Variants in CERT1 observed in about 807,000 individuals in gnomAD.
CERT1 encodes ceramide transporter 1, also known as ceramide transfer protein.
In CERT1, 31 loss-of-function variants were observed where a neutral mutation model predicts 87.9. The observed-to-expected ratio is 0.35, with a 90% CI of 0.27 to 0.48. CERT1 has a LOEUF of 0.48. Ranked by LOEUF, CERT1 falls within the 20% of genes least tolerant of loss-of-function variation. The pLI, the probability that CERT1 is intolerant of heterozygous loss-of-function variation, is 0.99. For missense variants in CERT1, 487 were observed against 758.0 expected, an observed-to-expected ratio of 0.64 and a Z score of 4.20; for synonymous variants, 289 against 250.9, an observed-to-expected ratio of 1.15 and a Z score of -1.44.
intron 3 of CERT1, among the ~76,000 whole-genome samples, chr5:75,428,244 A>C (rs1763704993): frequency 6.6e-6 from 1 of 152,168 alleles, no homozygotes; most frequent in Non-Finnish European, 1.5e-5. Flanking sequence ...AGTTAGTATC[A>C]CTTCATTTAC....
At chr5:75,484,865 A>C (rs529597212) in intron 2 of CERT1, among the ~76,000 whole-genome samples, 1 of 152,302 alleles carries the variant, frequency 6.6e-6, no homozygotes, top group South Asian at 2.1e-4. Flanking sequence ...CTATAGACCA[A>C]ATGGACCTAA....
chr5:75,455,358 A>G (rs1225186094), intron 3 of CERT1, among the ~76,000 whole-genome samples: 1 of 152,240 alleles, frequency 6.6e-6, no homozygotes, highest in Non-Finnish European at 1.5e-5. Flanking sequence ...ATGCTTTCCA[A>G]GAGTTTGTAG....
intron 8 of CERT1, among the ~76,000 whole-genome samples, chr5:75,404,934 G>A (rs1762644860): frequency 6.6e-6 from 1 of 152,032 alleles, no homozygotes; most frequent in South Asian, 2.1e-4. Context: ...TTGAACCTGG[G>A]AGGCGGAAGT....
chr5:75,428,610 G>A (rs1447458396), intron 3 of CERT1, among the ~76,000 whole-genome samples: 5 of 151,796 alleles, frequency 3.3e-5, no homozygotes, highest in African/African-American at 7.3e-5. Context: ...CCTGGGAGGC[G>A]GAGCTTGCAG....
downstream of CERT1, chr5:75,375,487 A>T (rs1761258623): frequency 6.6e-6 from 1 of 151,624 alleles, no homozygotes; most frequent in African/African-American, 2.4e-5. Flanking sequence ...CCAGGGAGGT[A>T]GGAGGAACAC....
intron 2 of CERT1, among the ~76,000 whole-genome samples, chr5:75,503,552 G>A (rs1327954517): frequency 2.6e-5 from 4 of 151,656 alleles, no homozygotes; most frequent in Non-Finnish European, 5.9e-5. Context: ...GAACCCAAAG[G>A]GCAAGGAAAG....
At chr5:75,501,237 C>T (rs761714157) in intron 2 of CERT1, among the ~76,000 whole-genome samples, 10 of 152,098 alleles carry the variant, frequency 6.6e-5, no homozygotes, top group Non-Finnish European at 1.5e-4. Context: ...TGCAGCAACC[C>T]CCTACCTCAC....
intron 2 of CERT1, among the ~76,000 whole-genome samples, chr5:75,480,389 A>AT (rs1262412718): frequency 7.2e-5 from 11 of 152,160 alleles, no homozygotes; most frequent in South Asian, 4.1e-4. Flanking sequence ...CTTATATCTC[A>AT]TTGTTAAGGA....
At chr5:75,461,570 C>T (rs1338465797) in intron 2 of CERT1, among the ~76,000 whole-genome samples, 2 of 152,094 alleles carry the variant, frequency 1.3e-5, no homozygotes, top group Non-Finnish European at 2.9e-5. Context: ...CATTATATTT[C>T]CAGCCAGTAT....
chr5:75,456,280 T>G (rs1764978173), intron 3 of CERT1, among the ~76,000 whole-genome samples: 1 of 152,192 alleles, frequency 6.6e-6, no homozygotes, highest in African/African-American at 2.4e-5. Flanking sequence ...GCTGCTCAGT[T>G]GGCATACATC....
chr5:75,384,693 A>C lies in CERT1; in HGVS notation c.1437T>G (p.His479Gln). The C allele has an allele frequency of 6.2e-7, 1 of 1,601,406 alleles. No individual in the cohort carries two copies. Among genetic ancestry groups the C allele is most frequent in the Non-Finnish European group, 8.6e-7 (1 of 1,168,874 alleles). The part of the protein sequence containing the change: ...NDWETTIENF[H>Q]VVETLADNAI... ...CATTATCAGCTAATGTTTCCACCAC[A>C]TGAAAGTTTTCTATAGTTGCTGAAA... The change falls in exon 14 of 17, where the codon CAT becomes CAG. Residue 479 changes from histidine (H) to glutamine (Q), a missense_variant. Around this residue, in one of 8 missense-constraint regions of CERT1, gnomAD observed 147 missense variants for 200.8 expected, o/e 0.73. Coordinates refer to ENST00000643780, the MANE Select transcript of CERT1 (RefSeq NM_001379029.1).
chr5:75,488,185 A>T (rs1766614877), intron 2 of CERT1, among the ~76,000 whole-genome samples: 1 of 152,200 alleles, frequency 6.6e-6, no homozygotes, highest in Middle Eastern at 3.4e-3. Flanking sequence ...CTGTACATTT[A>T]AAAATAGCTA....
intron 2 of CERT1, among the ~76,000 whole-genome samples, chr5:75,478,596 T>A (rs1766080010): frequency 6.6e-6 from 1 of 152,150 alleles, no homozygotes; most frequent in Non-Finnish European, 1.5e-5. Context: ...GCAATTAGTC[T>A]GCTTAGACAC....
intron 3 of CERT1, among the ~76,000 whole-genome samples, chr5:75,430,257 A>G (rs1484452997): frequency 2.0e-5 from 3 of 152,222 alleles, no homozygotes; most frequent in Admixed American, 6.5e-5. Context: ...AAGTACTTCA[A>G]TATGTTCTCA....
chr5:75,497,108 A>T (rs1457345655), intron 2 of CERT1, among the ~76,000 whole-genome samples: 1 of 152,188 alleles, frequency 6.6e-6, no homozygotes, highest in Non-Finnish European at 1.5e-5. Context: ...TTAGGTTGGT[A>T]AATAGAACTA....
intron 11 of CERT1, among the ~76,000 whole-genome samples, chr5:75,390,118 G>A (rs1052783534): frequency 6.6e-6 from 1 of 152,046 alleles, no homozygotes; most frequent in Non-Finnish European, 1.5e-5. Flanking sequence ...AGGAAGGTCT[G>A]GTATGAACAA....
intron 2 of CERT1, among the ~76,000 whole-genome samples, chr5:75,474,474 T>C (rs1197078130): frequency 6.6e-6 from 1 of 152,124 alleles, no homozygotes; most frequent in Non-Finnish European, 1.5e-5. Flanking sequence ...CTTAATCAAG[T>C]AGAAGATCTG....
rs778299039 is a variant in CERT1, at chr5:75,379,340, T to C, written c.*6A>G. On this transcript the variant is annotated 3_prime_UTR_variant, in exon 17 of 17. Transcript: ENST00000643780. ...GATAAAACATATCTTCTAGTACCTG[T>C]TAATACTAGAACAAAATAGGCTTTC... 3 of 1,609,266 alleles carry C rather than the reference T, an allele frequency of 1.9e-6. No homozygotes were observed. Among genetic ancestry groups the C allele is most frequent in the Non-Finnish European group, 2.6e-6 (3 of 1,176,126 alleles).
At chr5:75,411,919 T>G (rs1160496388) in intron 7 of CERT1, among the ~76,000 whole-genome samples, 1 of 152,226 alleles carries the variant, frequency 6.6e-6, no homozygotes, top group East Asian at 1.9e-4. Context: ...TCACTGCTGC[T>G]TAAGACTGTA....
Sources: allele counts gnomAD v4.1 joint callset (sites outside exome capture counted in the v4.1 genomes callset), GRCh38; gene constraint gnomAD v4.1.1; regional missense constraint gnomAD v4.1.1; transcripts MANE v1.5; gene names NCBI Gene and HGNC (gene_info 2026-07-23, HGNC 2026-07-21).